The following RAPGEF6 variants were observed in gnomAD, a reference collection of about 807,000 sequenced individuals.
RAPGEF6 encodes Rap guanine nucleotide exchange factor 6.
Under a neutral mutation model 171.4 loss-of-function variants are expected in RAPGEF6, and 56 were observed. The observed-to-expected ratio is 0.33, with a 90% CI of 0.26 to 0.41. RAPGEF6 has a LOEUF of 0.41. Among genes scored for constraint, RAPGEF6 ranks in the 10% least tolerant of loss-of-function variants. The probability of loss-of-function intolerance (pLI) is 1.00; values close to 1 mark genes in which losing one functional copy is unlikely to be tolerated. For missense variants in RAPGEF6, 1,674 were observed against 1,921.4 expected, an observed-to-expected ratio of 0.87 and a Z score of 2.41; for synonymous variants, 692 against 650.1, an observed-to-expected ratio of 1.06 and a Z score of -0.98.
chr5:131,525,539 T>C (rs967126723), intron 6 of RAPGEF6, among the ~76,000 whole-genome samples: 1 of 152,128 alleles, frequency 6.6e-6, no homozygotes, highest in Admixed American at 6.5e-5. Context: ...AGCTCTACTA[T>C]GTATATCAGA....
chr5:131,495,664 T>G lies in RAPGEF6; in HGVS notation c.1420-4A>C. 6.2e-7 allele frequency: 1 copy of G among 1,610,762 alleles called. No homozygotes were observed. Among genetic ancestry groups the G allele is most frequent in the Non-Finnish European group, 8.5e-7 (1 of 1,178,176 alleles). On this transcript the variant is annotated splice_polypyrimidine_tract_variant and splice_region_variant and intron_variant, in intron 12 of 27. Coordinates refer to ENST00000509018, the MANE Select transcript of RAPGEF6 (RefSeq NM_016340.6). The stretch of plus-strand genomic sequence containing the variant: ...ATAATAATACAATCCGTGTCACCTG[T>G]GGAAACATAAAAGAGGCAGCATATG...
At chr5:131,480,651 G>T (rs1450057529) in intron 15 of RAPGEF6, among the ~76,000 whole-genome samples, 1 of 151,858 alleles carries the variant, frequency 6.6e-6, no homozygotes, top group Non-Finnish European at 1.5e-5. Flanking sequence ...GCTAATTTTT[G>T]TATCTTCAGT....
intron 13 of RAPGEF6, among the ~76,000 whole-genome samples, chr5:131,493,100 T>C (rs191311011): frequency 3.7e-4 from 56 of 152,328 alleles, no homozygotes; most frequent in Non-Finnish European, 1.2e-4. Context: ...AGCCTCGCTC[T>C]GTCGCCCAGG....
intron 6 of RAPGEF6, among the ~76,000 whole-genome samples, chr5:131,546,054 A>G (rs2149946277): frequency 6.6e-6 from 1 of 152,344 alleles, no homozygotes; most frequent in South Asian, 2.1e-4. Flanking sequence ...CAAATGACTC[A>G]TGAGCATGAT....
chr5:131,632,916 G>C (rs765909264), intron 1 of RAPGEF6, among the ~76,000 whole-genome samples: 1 of 152,276 alleles, frequency 6.6e-6, no homozygotes, highest in African/African-American at 2.4e-5. Context: ...TGTACTGTGG[G>C]CAGCTGTTTA....
chr5:131,498,072 A>G lies in RAPGEF6; in HGVS notation c.1419+371T>C, dbSNP rs533695488. 1.6e-3 allele frequency among the ~76,000 whole-genome samples: 245 copies of G among 152,320 alleles called. 1 individual carries two copies. Among genetic ancestry groups the G allele is most frequent in the Non-Finnish European group, 2.9e-3 (196 of 68,008 alleles). ...AGCTTAAAAGCAATCTGCCCTCTTA[A>G]AAAAATGTATTTGATGAATATTCTT... On this transcript the variant is annotated intron_variant, in intron 12 of 27. Transcript: ENST00000509018.
chr5:131,444,624 T>C (rs1752574627), intron 22 of RAPGEF6, among the ~76,000 whole-genome samples: 1 of 152,158 alleles, frequency 6.6e-6, no homozygotes, highest in African/African-American at 2.4e-5. Context: ...AATGTTCAAA[T>C]CCAGTTTAAG....
intron 5 of RAPGEF6, among the ~76,000 whole-genome samples, chr5:131,549,125 C>T (rs1760744644): frequency 6.6e-6 from 1 of 152,112 alleles, no homozygotes; most frequent in African/African-American, 2.4e-5. Context: ...TCTAGCTCAA[C>T]AGCTTATGCC....
chr5:131,578,641 A>G (rs1197276633), intron 4 of RAPGEF6, among the ~76,000 whole-genome samples: 1 of 152,176 alleles, frequency 6.6e-6, no homozygotes, highest in Admixed American at 6.5e-5. Flanking sequence ...TGCATCTTCC[A>G]ACAACAGCTT....
chr5:131,614,776 T>A (rs1765165331), intron 1 of RAPGEF6, among the ~76,000 whole-genome samples: 1 of 152,210 alleles, frequency 6.6e-6, no homozygotes, highest in African/African-American at 2.4e-5. Context: ...CTACCAAATC[T>A]GTGATAAGGG....
chr5:131,572,147 T>C lies in RAPGEF6; in HGVS notation c.282-10100A>G, dbSNP rs116698078. Among the ~76,000 whole-genome samples, 784 of 152,210 alleles carry C rather than the reference T, an allele frequency of 5.2e-3. 4 individuals are homozygous for C. The highest frequency in any genetic ancestry group is 0.017 in the African/African-American group (717 of 41,528). On this transcript the variant is annotated intron_variant, in intron 4 of 27. Transcript: ENST00000509018. The stretch of plus-strand genomic sequence containing the variant: ...CTAAGCCTGCTCAGGTGGTCACTTA[T>C]ATGGACGTGCGTAACATTTGGTGCC...
intron 6 of RAPGEF6, among the ~76,000 whole-genome samples, chr5:131,543,041 A>G (rs754781219): frequency 1.3e-5 from 2 of 152,230 alleles, no homozygotes; most frequent in Non-Finnish European, 2.9e-5. Flanking sequence ...TATTTCCATC[A>G]TAACAGAAAA....
intron 4 of RAPGEF6, among the ~76,000 whole-genome samples, chr5:131,564,708 G>A (rs1390754441): frequency 1.3e-5 from 2 of 152,150 alleles, no homozygotes; most frequent in East Asian, 3.9e-4. Flanking sequence ...ACTATCAGAA[G>A]TATAGAAATC....
At chr5:131,580,472 AG>A (rs1762886036) in intron 4 of RAPGEF6, among the ~76,000 whole-genome samples, 1 of 152,036 alleles carries the variant, frequency 6.6e-6, no homozygotes, top group Admixed American at 6.5e-5. Flanking sequence ...CAGCCCTGAG[AG>A]GGGCTCCCAC....
chr5:131,463,964 C>CT lies in RAPGEF6; in HGVS notation c.2480+76dup. 6 of 1,498,050 alleles carry CT rather than the reference C, an allele frequency of 4.0e-6. No homozygotes were observed. The South Asian group carries it at 7.2e-5, about 18-fold the overall frequency. 92.8% of individuals were successfully genotyped at this position (1,498,050 alleles called of 1,614,324 possible). A position where few individuals can be genotyped will look rare whatever the true frequency, so the allele number is the denominator to read the frequency against. On this transcript the variant is annotated intron_variant, in intron 18 of 27. Transcript: ENST00000509018. The stretch of plus-strand genomic sequence containing the variant: ...GCACTAAAACATGATAATGTTTCTA[C>CT]TTACAATAGCTGTTTTAACAGGAAA...
chr5:131,624,353 CAGA>C (rs909499175), intron 1 of RAPGEF6, among the ~76,000 whole-genome samples: 2 of 152,122 alleles, frequency 1.3e-5, no homozygotes, highest in Non-Finnish European at 2.9e-5. Flanking sequence ...TGCACAGAAA[CAGA>C]AGAGATTTTA....
At chr5:131,478,427 G>A (rs1755253454) in intron 16 of RAPGEF6, among the ~76,000 whole-genome samples, 1 of 152,122 alleles carries the variant, frequency 6.6e-6, no homozygotes. Context: ...CAAATCCCAT[G>A]TCTTCTTATG....
intron 17 of RAPGEF6, 89 bp from the exon 18 acceptor site, chr5:131,464,370 C>G (rs2149837843): frequency 9.9e-6 from 9 of 908,138 alleles, no homozygotes; most frequent in East Asian, 2.6e-5. Flanking sequence ...AGTGATCCCT[C>G]TGAACACTGA....
intron 6 of RAPGEF6, among the ~76,000 whole-genome samples, chr5:131,545,939 T>G (rs1025430459): frequency 2.0e-5 from 3 of 152,200 alleles, no homozygotes; most frequent in Admixed American, 1.3e-4. Flanking sequence ...CTTAGCGTTA[T>G]CAAACAAACA....
Sources: allele counts gnomAD v4.1 joint callset (sites outside exome capture counted in the v4.1 genomes callset), GRCh38; gene constraint gnomAD v4.1.1; transcripts MANE v1.5; gene names NCBI Gene and HGNC (gene_info 2026-07-23, HGNC 2026-07-21).